DPYSL3: variants seen among roughly 807,000 people sequenced by gnomAD.
DPYSL3 encodes the protein dihydropyrimidinase-related protein 3.
Under a neutral mutation model 66.1 loss-of-function variants are expected in DPYSL3, and 16 were observed. The ratio of observed to expected loss-of-function variants is 0.24; its 90% CI spans 0.16 to 0.37. DPYSL3 has a LOEUF of 0.37. Ranked by LOEUF, DPYSL3 falls within the 10% of genes least tolerant of loss-of-function variation. The probability of loss-of-function intolerance (pLI) is 1.00; values close to 1 mark genes in which losing one functional copy is unlikely to be tolerated. For synonymous variants in DPYSL3, 338 were observed against 345.1 expected (o/e 0.98, Z 0.23); for missense variants, 738 against 916.2 (o/e 0.81, Z 2.51).
At chr5:147,490,429 G>A (rs1370009777) in intron 1 of DPYSL3, among the ~76,000 whole-genome samples, 1 of 152,146 alleles carries the variant, frequency 6.6e-6, no homozygotes, top group Non-Finnish European at 1.5e-5. Context: ...TAAAAGAAAT[G>A]TATAATTAAA....
chr5:147,432,224 T>C (rs2126349185), intron 1 of DPYSL3, among the ~76,000 whole-genome samples: 1 of 152,252 alleles, frequency 6.6e-6, no homozygotes, highest in African/African-American at 2.4e-5. Flanking sequence ...ACATAACACA[T>C]GGAAAGCACT....
intron 6 of DPYSL3, among the ~76,000 whole-genome samples, chr5:147,409,355 C>A (rs1273683210): frequency 2.0e-5 from 3 of 152,184 alleles, no homozygotes; most frequent in Non-Finnish European, 4.4e-5. Context: ...CCATCCTAGC[C>A]TAACATATCA....
intron 12 of DPYSL3, 101 bp from the exon 13 acceptor site, chr5:147,395,822 C>A (rs34398961): frequency 0.028 from 37,141 of 1,343,490 alleles, 625 homozygotes; most frequent in Non-Finnish European, 0.033. Flanking sequence ...GTGGTGGGAG[C>A]TAGGAATTAA....
chr5:147,400,881 C>A (rs753542128), intron 9 of DPYSL3, 48 bp from the exon 10 acceptor site: 3 of 1,594,104 alleles, frequency 1.9e-6, no homozygotes, highest in Admixed American at 3.4e-5. Context: ...TGGCTGGAGG[C>A]ACACTGGGAG....
At chr5:147,507,659 C>A (rs1753701518) in intron 1 of DPYSL3, among the ~76,000 whole-genome samples, 1 of 152,106 alleles carries the variant, frequency 6.6e-6, no homozygotes, top group Non-Finnish European at 1.5e-5. Context: ...AATAACATGG[C>A]CTGGATGAAG....
rs1049171 is a variant in DPYSL3, at chr5:147,392,415, C to T, written c.*1620G>A. 48,754 of 152,054 alleles carry T rather than the reference C, an allele frequency of 0.32. 9,311 individuals are homozygous for T. The highest frequency in any genetic ancestry group is 0.75 in the East Asian group (3,859 of 5,162). 9.4% of individuals were successfully genotyped at this position (152,054 alleles called of 1,614,324 possible). A position where few individuals can be genotyped will look rare whatever the true frequency, so the allele number is the denominator to read the frequency against. ...ACTTATTCAAACCTGCAGTCAGAGA[C>T]AATGGTTTCTCCTAAGCAATTAAAA... On this transcript the variant is annotated 3_prime_UTR_variant, in exon 14 of 14. Transcript: ENST00000343218.
At chr5:147,416,089 T>A (rs1383197469) in intron 3 of DPYSL3, among the ~76,000 whole-genome samples, 1 of 152,104 alleles carries the variant, frequency 6.6e-6, no homozygotes, top group African/African-American at 2.4e-5. Context: ...CTTCCCTAAA[T>A]CTCAGTTTTC....
At chr5:147,409,756 C>T (rs1751808650) in intron 6 of DPYSL3, among the ~76,000 whole-genome samples, 1 of 152,170 alleles carries the variant, frequency 6.6e-6, no homozygotes, top group Non-Finnish European at 1.5e-5. Flanking sequence ...ACCAGCAGTC[C>T]TGGCCTAGTG....
At chr5:147,482,154 A>G (rs554435093) in intron 1 of DPYSL3, among the ~76,000 whole-genome samples, 21 of 152,330 alleles carry the variant, frequency 1.4e-4, no homozygotes, top group East Asian at 5.8e-4. Flanking sequence ...ACAACATGCA[A>G]GGATACCCAA....
At chr5:147,476,390 A>G (rs1188342510) in intron 1 of DPYSL3, among the ~76,000 whole-genome samples, 1 of 152,156 alleles carries the variant, frequency 6.6e-6, no homozygotes, top group Admixed American at 6.5e-5. Context: ...GGTAGATTAG[A>G]TCATTTAGTT....
In DPYSL3 at chr5:147,418,404, C is replaced by A. The variant is rs941718460; in HGVS notation, c.655+43G>T. On this transcript the variant is annotated intron_variant, in intron 3 of 13. Coordinates refer to ENST00000343218, the MANE Select transcript of DPYSL3 (RefSeq NM_001197294.2). ...CTGGAGATAACACATTCATTAAACA[C>A]ACACTTCTGAGAAACAGGAGTGTGT... 7.8e-6 allele frequency: 12 copies of A among 1,531,638 alleles called. No individual in the cohort carries two copies. The East Asian group carries it at 2.8e-4, about 35-fold the overall frequency. 94.9% of individuals were successfully genotyped at this position (1,531,638 alleles called of 1,614,324 possible).
intron 1 of DPYSL3, among the ~76,000 whole-genome samples, chr5:147,443,936 T>C (rs1294343518): frequency 6.6e-6 from 1 of 152,100 alleles, no homozygotes. Context: ...GGCTTCCTGA[T>C]GCCAAGCAGT....
At chr5:147,460,212 A>T (rs1752912620) in intron 1 of DPYSL3, among the ~76,000 whole-genome samples, 1 of 152,208 alleles carries the variant, frequency 6.6e-6, no homozygotes, top group Non-Finnish European at 1.5e-5. Context: ...AGTTACATTC[A>T]TACGAGGGGA....
intron 1 of DPYSL3, among the ~76,000 whole-genome samples, chr5:147,459,567 T>A (rs538025380): frequency 2.6e-5 from 4 of 151,252 alleles, no homozygotes; most frequent in Non-Finnish European, 5.9e-5. Flanking sequence ...AGAAATAAAC[T>A]GGTAAACAAA....
chr5:147,423,635 C>A (rs1189346623), intron 2 of DPYSL3, among the ~76,000 whole-genome samples: 1 of 152,126 alleles, frequency 6.6e-6, no homozygotes, highest in Non-Finnish European at 1.5e-5. Flanking sequence ...AAGTAAGTCT[C>A]CTTACTCTCA....
intron 1 of DPYSL3, among the ~76,000 whole-genome samples, chr5:147,488,772 T>C (rs1753372949): frequency 6.6e-6 from 1 of 152,088 alleles, no homozygotes; most frequent in East Asian, 1.9e-4. Flanking sequence ...CCCACCACTT[T>C]GGGAGGCCAA....
At chr5:147,489,430 G>A (rs1415021503) in intron 1 of DPYSL3, among the ~76,000 whole-genome samples, 3 of 152,152 alleles carry the variant, frequency 2.0e-5, no homozygotes, top group African/African-American at 7.2e-5. Context: ...TCCATTTCTA[G>A]TTGTATGATT....
At chr5:147,466,083 T>C (rs1753004655) in intron 1 of DPYSL3, among the ~76,000 whole-genome samples, 1 of 152,244 alleles carries the variant, frequency 6.6e-6, no homozygotes. Flanking sequence ...TCTTTAAAAA[T>C]TAAGAGACCT....
In DPYSL3 at chr5:147,413,618, A is replaced by G; in HGVS notation, c.860T>C (p.Leu287Ser). 1 of 1,613,366 alleles carries G rather than the reference A, an allele frequency of 6.2e-7. No individual in the cohort carries two copies. The highest frequency in any genetic ancestry group is 8.5e-7 in the Non-Finnish European group (1 of 1,179,554). Residue 287 changes from leucine (L) to serine (S), a missense_variant, in exon 5 of 14, where the codon TTG (leucine) becomes TCG (serine). By Grantham distance (145) the Leu-to-Ser change is moderately radical. Transcript: ENST00000343218. ...TACCTCTGTGTTAGATACTTGATAC[A>G]AATCCTTATAAGCCATATAAACCAT... Reference protein sequence around the residue: ...SFMVYMAYKDLYQVSNTELYE... With the variant: ...SFMVYMAYKDSYQVSNTELYE...
Sources: gnomAD v4.1 joint callset for allele counts (sites outside exome capture counted in the v4.1 genomes callset) on GRCh38, gnomAD v4.1.1 for gene constraint, MANE v1.5 for transcripts, NCBI Gene and HGNC (gene_info 2026-07-23, HGNC 2026-07-21) for gene names.